The following FTO variants were observed in gnomAD, a reference collection of about 807,000 sequenced individuals.
FTO encodes the protein alpha-ketoglutarate-dependent dioxygenase FTO.
In FTO, 47 loss-of-function variants were observed where a neutral mutation model predicts 63.9. The observed-to-expected ratio is 0.74, with a 90% CI of 0.58 to 0.94. The LOEUF is 0.94. FTO is among the 40% of genes least tolerant of loss of function. FTO has a pLI of 0.00. For missense variants in FTO, 562 were observed against 618.1 expected (o/e 0.91, Z 0.96); for synonymous variants, 207 against 224.4 (o/e 0.92, Z 0.69).
At chr16:54,079,105 A>G (rs1283697358) in intron 8 of FTO, among the ~76,000 whole-genome samples, 3 of 152,092 alleles carry the variant, frequency 2.0e-5, no homozygotes, top group Non-Finnish European at 4.4e-5. Flanking sequence ...AGAAAACATT[A>G]TTACTGACTA....
chr16:53,843,304 G>A (rs549875680), intron 3 of FTO, among the ~76,000 whole-genome samples: 1 of 152,194 alleles, frequency 6.6e-6, no homozygotes, highest in African/African-American at 2.4e-5. Context: ...TGATAGTATT[G>A]CCAAATTGTC....
intron 5 of FTO, among the ~76,000 whole-genome samples, chr16:53,875,395 C>T (rs769491587): frequency 6.6e-5 from 10 of 152,106 alleles, no homozygotes; most frequent in Non-Finnish European, 1.2e-4. Flanking sequence ...GGATAAGAAT[C>T]GTACCTAATC....
At chr16:53,774,823 T>C (rs1250163343) in intron 1 of FTO, among the ~76,000 whole-genome samples, 1 of 152,092 alleles carries the variant, frequency 6.6e-6, no homozygotes, top group African/African-American at 2.4e-5. Flanking sequence ...GAACTGTTGA[T>C]TTGTAAGAAC....
Position 54,073,043 on chromosome 16 carries a change from C to T in FTO, c.1365-38719C>T, listed in dbSNP as rs7201705. On this transcript the variant is annotated intron_variant, in intron 8 of 8. Coordinates refer to ENST00000471389, the MANE Select transcript of FTO (RefSeq NM_001080432.3). ...CTGTAGTTGGGTATTCTGGGATATG[C>T]GAAATCAAGTGAGTTAAAACACTAG... Among the ~76,000 whole-genome samples the T allele has an allele frequency of 5.8e-3, 877 of 152,252 alleles. 10 individuals carry two copies. Among genetic ancestry groups the T allele is most frequent in the African/African-American group, 0.02 (844 of 41,542 alleles).
chr16:53,832,802 C>T (rs2079179081), intron 3 of FTO, among the ~76,000 whole-genome samples: 1 of 152,060 alleles, frequency 6.6e-6, no homozygotes, highest in South Asian at 2.1e-4. Flanking sequence ...AAGCATCATC[C>T]CACACCAAAT....
chr16:54,040,323 T>C (rs954199655), intron 8 of FTO: 14 of 152,196 alleles, frequency 9.2e-5, no homozygotes, highest in Non-Finnish European at 5.9e-5. Flanking sequence ...AAATCATTTA[T>C]ATGGCAAAAT....
chr16:54,104,270 C>A (rs1255348023), intron 8 of FTO, among the ~76,000 whole-genome samples: 1 of 150,564 alleles, frequency 6.6e-6, no homozygotes, highest in Non-Finnish European at 1.5e-5. Flanking sequence ...TTTGCAGGTT[C>A]ATGTGGACTT....
At chr16:54,061,606 TG>T (rs2144391011) in intron 8 of FTO, 1 of 50,850 alleles carries the variant, frequency 2.0e-5, no homozygotes, top group African/African-American at 2.7e-4. Flanking sequence ...CATGTGTGTT[TG>T]TGTGTGTGTG....
At position 54,115,922 on chromosome 16, in the gene FTO, C is replaced by T. The variant is rs1057421113; in HGVS notation, c.*4007C>T. On this transcript the variant is annotated 3_prime_UTR_variant, in exon 9 of 9. Coordinates refer to ENST00000471389, the MANE Select transcript of FTO (RefSeq NM_001080432.3). The stretch of plus-strand genomic sequence containing the variant: ...TGAGATCTCAAGATGGCCTGCGGCC[C>T]CTCTAGATTGCCTGCCTACAGAGTT... 6.6e-6 allele frequency: 1 copy of T among 152,226 alleles called. No homozygotes were observed. Among genetic ancestry groups the T allele is most frequent in the Non-Finnish European group, 1.5e-5 (1 of 68,088 alleles). The allele number at this position is 152,226 out of a possible 1,614,324, so 9.4% of individuals were successfully genotyped here.
chr16:54,079,878 T>C (rs1327375803), intron 8 of FTO, among the ~76,000 whole-genome samples: 1 of 152,196 alleles, frequency 6.6e-6, no homozygotes, highest in Non-Finnish European at 1.5e-5. Flanking sequence ...TTTATTTTTC[T>C]CTTCTTTTTA....
At chr16:53,965,635 G>A (rs1433486638) in intron 8 of FTO, 1 of 152,048 alleles carries the variant, frequency 6.6e-6, no homozygotes, top group Non-Finnish European at 1.5e-5. Context: ...TATAACTAAA[G>A]TTTCTTGTGT....
intron 8 of FTO, among the ~76,000 whole-genome samples, chr16:54,025,526 C>A (rs1010038811): frequency 5.3e-5 from 8 of 151,938 alleles, no homozygotes; most frequent in African/African-American, 9.7e-5. Context: ...AGTTCAAGAC[C>A]AGCCTGGCCA....
intron 1 of FTO, among the ~76,000 whole-genome samples, chr16:53,706,012 G>A (rs990780039): frequency 1.3e-5 from 2 of 152,076 alleles, no homozygotes; most frequent in Admixed American, 1.3e-4. Context: ...ATCGTGACTT[G>A]CCCAAGGCCA....
At chr16:54,010,017 C>G (rs1356283680) in intron 8 of FTO, among the ~76,000 whole-genome samples, 1 of 152,156 alleles carries the variant, frequency 6.6e-6, no homozygotes, top group Non-Finnish European at 1.5e-5. Flanking sequence ...TGTGCATACC[C>G]TAAAAGACAG....
intron 4 of FTO, among the ~76,000 whole-genome samples, chr16:53,862,117 A>G (rs568963773): frequency 1.3e-5 from 2 of 152,268 alleles, no homozygotes; most frequent in East Asian, 1.9e-4. Context: ...GTGTGATGGC[A>G]CATGCCTGTA....
In FTO at chr16:54,116,965, G is replaced by A. The variant is rs2144647102; in HGVS notation, c.*5050G>A. The stretch of plus-strand genomic sequence containing the variant: ...GGACAGTCCTAATTCCCACCTCTCA[G>A]AACCTTGTCAGCCAAGTTCTTCCTG... On this transcript the variant is annotated 3_prime_UTR_variant, in exon 9 of 9. Coordinates refer to ENST00000471389, the MANE Select transcript of FTO (RefSeq NM_001080432.3). The A allele has an allele frequency of 6.6e-6, 1 of 152,398 alleles. No homozygotes were observed. The highest frequency in any genetic ancestry group is 2.4e-5 in the African/African-American group (1 of 41,524). The allele number at this position is 152,398 out of a possible 1,614,324, so 9.4% of individuals were successfully genotyped here.
chr16:53,830,061 CT>C (rs1161135182), intron 3 of FTO, among the ~76,000 whole-genome samples: 1 of 152,192 alleles, frequency 6.6e-6, no homozygotes, highest in Non-Finnish European at 1.5e-5. Context: ...CTCTCAATAC[CT>C]TTTCCCAGGG....
chr16:54,082,402 G>A (rs1228722289), intron 8 of FTO, among the ~76,000 whole-genome samples: 2 of 152,304 alleles, frequency 1.3e-5, no homozygotes, highest in Middle Eastern at 3.4e-3. Context: ...TCTAAGAAAT[G>A]CATGTCAAGT....
chr16:53,826,114 T>C lies in FTO; in HGVS notation c.374T>C (p.Ile125Thr). The C allele has an allele frequency of 6.2e-7, 1 of 1,614,102 alleles. No individual in the cohort carries two copies. Among genetic ancestry groups the C allele is most frequent in the Non-Finnish European group, 8.5e-7 (1 of 1,180,026 alleles). ...TVPWPVKGSNIKHTEAEIAAA... is the reference protein window; with the variant it reads ...TVPWPVKGSNTKHTEAEIAAA... ...CCCTGGCCAGTGAAAGGGTCTAATA[T>C]AAAACACACCGAGGCTGAAATAGCC... Residue 125 changes from isoleucine to threonine, a missense_variant, in exon 3 of 9, where the codon ATA becomes ACA. By Grantham distance (89) the Ile-to-Thr change is moderately conservative. Coordinates refer to ENST00000471389, the MANE Select transcript of FTO (RefSeq NM_001080432.3).
Sources: allele counts gnomAD v4.1 joint callset (sites outside exome capture counted in the v4.1 genomes callset), GRCh38; gene constraint gnomAD v4.1.1; transcripts MANE v1.5; gene names NCBI Gene and HGNC (gene_info 2026-07-23, HGNC 2026-07-21).